The following NKAIN3 variants were observed in gnomAD, a reference collection of about 807,000 sequenced individuals.
The protein encoded by NKAIN3 is sodium/potassium transporting ATPase interacting 3, also known as sodium/potassium-transporting ATPase subunit beta-1-interacting protein 3.
A neutral mutation model predicts 30.2 loss-of-function variants in NKAIN3; 25 were observed. The ratio of observed to expected loss-of-function variants is 0.83; its 90% CI spans 0.60 to 1.16. The LOEUF (loss-of-function observed/expected upper bound fraction) is 1.16, where lower values mean the gene tolerates loss of function less well. Ranked by LOEUF, NKAIN3 falls within the 50% of genes most tolerant of loss-of-function variation. The pLI, the probability that NKAIN3 is intolerant of heterozygous loss-of-function variation, is 0.00. For synonymous variants in NKAIN3, 91 were observed against 89.6 expected, an observed-to-expected ratio of 1.02 and a Z score of -0.09; for missense variants, 225 against 254.1, an observed-to-expected ratio of 0.89 and a Z score of 0.78.
chr8:62,866,310 T>C (rs140934650), intron 4 of NKAIN3, among the ~76,000 whole-genome samples: 12 of 152,320 alleles, frequency 7.9e-5, no homozygotes, highest in African/African-American at 2.9e-4. Context: ...CAATTTGCAG[T>C]GCAGTGGGCA....
chr8:62,691,583 A>G (rs571603911), intron 3 of NKAIN3, among the ~76,000 whole-genome samples: 2 of 152,178 alleles, frequency 1.3e-5, no homozygotes, highest in Non-Finnish European at 2.9e-5. Flanking sequence ...TGAGAAAAAA[A>G]TTTGGAATAT....
chr8:62,498,913 A>T (rs1050100253), intron 1 of NKAIN3, among the ~76,000 whole-genome samples: 1 of 152,090 alleles, frequency 6.6e-6, no homozygotes, highest in African/African-American at 2.4e-5. Flanking sequence ...TTGTTCCGAG[A>T]TATCCTTCCC....
At chr8:62,776,238 C>G (rs915246711) in intron 4 of NKAIN3, among the ~76,000 whole-genome samples, 2 of 151,892 alleles carry the variant, frequency 1.3e-5, no homozygotes, top group African/African-American at 2.4e-5. Context: ...ATTCAGCCAC[C>G]ATATGTCTTT....
At chr8:62,345,316 CACATATATACACATATAT>C (rs1585704444) in intron 1 of NKAIN3, among the ~76,000 whole-genome samples, 2 of 61,198 alleles carry the variant, frequency 3.3e-5, no homozygotes, top group East Asian at 3.4e-4. Context: ...TATATATACA[CACATATATACACATATAT>C]GTATATATAC....
chr8:62,614,024 A>G (rs975618285), intron 3 of NKAIN3, among the ~76,000 whole-genome samples: 11 of 152,018 alleles, frequency 7.2e-5, no homozygotes, highest in Admixed American at 6.6e-5. Context: ...TCCCTGGTGC[A>G]TTATTTAGTT....
chr8:62,994,921 A>G (rs1204562669), intron 5 of NKAIN3, among the ~76,000 whole-genome samples: 1 of 152,216 alleles, frequency 6.6e-6, no homozygotes, highest in Admixed American at 6.5e-5. Flanking sequence ...TTAAGCCTAC[A>G]TCATTGGGGT....
rs80182278 is a variant in NKAIN3, at chr8:62,624,922, T to C, written c.273+35128T>C. ...TCCATAAAAACATTTGTCATTTCTGTTAGTCTTTCTTATCACTAGAAATTT... is the reference window on the plus strand; with the variant it reads ...TCCATAAAAACATTTGTCATTTCTGCTAGTCTTTCTTATCACTAGAAATTT... On this transcript the variant is annotated intron_variant, in intron 3 of 6. Transcript: ENST00000623646. Among the ~76,000 whole-genome samples the C allele has an allele frequency of 1.1e-3, 163 of 152,158 alleles. 2 individuals are homozygous for C. In the East Asian group the frequency reaches 0.027, roughly 25 times the overall value.
intron 1 of NKAIN3, among the ~76,000 whole-genome samples, chr8:62,537,318 T>C (rs533414478): frequency 6.6e-6 from 1 of 152,292 alleles, no homozygotes; most frequent in African/African-American, 2.4e-5. Flanking sequence ...ATAAAGGAAC[T>C]GATTTTACTT....
chr8:62,904,757 G>A (rs886838396), intron 4 of NKAIN3, among the ~76,000 whole-genome samples: 1 of 152,256 alleles, frequency 6.6e-6, no homozygotes, highest in South Asian at 2.1e-4. Flanking sequence ...ATTCTTCTTA[G>A]CAGGCAGTGC....
At chr8:62,439,110 A>T (rs1392531338) in intron 1 of NKAIN3, among the ~76,000 whole-genome samples, 1 of 152,202 alleles carries the variant, frequency 6.6e-6, no homozygotes. Context: ...ATCACCAGAT[A>T]GCTCTTGAAA....
intron 1 of NKAIN3, among the ~76,000 whole-genome samples, chr8:62,377,785 T>G (rs1817138499): frequency 6.6e-6 from 1 of 152,182 alleles, no homozygotes. Context: ...CTTTCCGCCA[T>G]GGTTGTAAGT....
In NKAIN3 at chr8:62,272,785, C is replaced by T. The variant is rs976655208; in HGVS notation, c.54+23658C>T. 1.5e-4 allele frequency among the ~76,000 whole-genome samples: 23 copies of T among 152,150 alleles called. 1 individual carries two copies. The highest frequency in any genetic ancestry group is 2.9e-5 in the Non-Finnish European group (2 of 68,034). On this transcript the variant is annotated intron_variant, in intron 1 of 6. Transcript: ENST00000623646. ...CAAGTGGTATAAATAACACGTACAG[C>T]CCTAGCGGTCATAGCTACTATTTTT...
At chr8:62,851,611 A>G (rs1819900670) in intron 4 of NKAIN3, among the ~76,000 whole-genome samples, 1 of 152,104 alleles carries the variant, frequency 6.6e-6, no homozygotes, top group South Asian at 2.1e-4. Flanking sequence ...GATAGCTCTT[A>G]TTATTTTGAG....
At chr8:62,986,009 G>A (rs966522380), downstream of NKAIN3, among the ~76,000 whole-genome samples, 7 of 152,160 alleles carry the variant, frequency 4.6e-5, no homozygotes, top group African/African-American at 1.7e-4. Context: ...ATTTTAAGAA[G>A]AAAAGTTTAC....
intron 1 of NKAIN3, among the ~76,000 whole-genome samples, chr8:62,413,701 G>A (rs60421957): frequency 0.14 from 21,063 of 152,000 alleles, 1,753 homozygotes; most frequent in East Asian, 0.4. Context: ...TAAAGAAAAT[G>A]TTCAGCTGTC....
In NKAIN3 at chr8:62,883,457, G is replaced by GTTGTTGTTTTTTTTTTT; in HGVS notation, c.472-34994_472-34993insGTTGTTTTTTTTTTTTT. Among the ~76,000 whole-genome samples, 371 of 70,168 alleles carry GTTGTTGTTTTTTTTTTT rather than the reference G, an allele frequency of 5.3e-3. 51 individuals carry two copies. The highest frequency in any genetic ancestry group is 0.018 in the East Asian group (31 of 1,698). The allele number at this position is 70,168 out of a possible 152,430, so 46.0% of individuals were successfully genotyped here. On this transcript the variant is annotated intron_variant, in intron 4 of 6. Transcript: ENST00000623646. ...TTTATTATTTCCAGGAGTTTTATGGGTTTTTTTTTTTTTTTTCAGATTTTC... is the reference window on the plus strand; with the variant it reads ...TTTATTATTTCCAGGAGTTTTATGGGTTGTTGTTTTTTTTTTTTTTTTTTTTTTTTTTTCAGATTTTC...
rs911551392 is a variant in NKAIN3, at chr8:62,982,846, A to G, written c.*17439A>G. On this transcript the variant is annotated 3_prime_UTR_variant, in exon 7 of 7. Coordinates refer to ENST00000623646, the MANE Select transcript of NKAIN3 (RefSeq NM_001304533.3). ...TGTCATCCTCCACAAGATCTTGCCC[A>G]CACTCAAAACAAACTTGCTTCCCAT... 1.3e-5 allele frequency: 2 copies of G among 152,156 alleles called. No homozygotes were observed. Among genetic ancestry groups the G allele is most frequent in the Admixed American group, 6.5e-5 (1 of 15,280 alleles). 9.4% of individuals were successfully genotyped at this position (152,156 alleles called of 1,614,324 possible). A position where few individuals can be genotyped will look rare whatever the true frequency, so the allele number is the denominator to read the frequency against.
chr8:62,382,902 C>A lies in NKAIN3; in HGVS notation c.54+133775C>A, dbSNP rs370816958. Among the ~76,000 whole-genome samples, 16 of 152,288 alleles carry A rather than the reference C, an allele frequency of 1.1e-4. No homozygotes were observed. The East Asian group carries it at 2.7e-3, about 26-fold the overall frequency. ...TGAAGTCATGTGCAACATCTGGACA[C>A]AGCTTTTTCTACAATAACGATGGCC... On this transcript the variant is annotated intron_variant, in intron 1 of 6. Coordinates refer to ENST00000623646, the MANE Select transcript of NKAIN3 (RefSeq NM_001304533.3).
chr8:62,647,884 T>G (rs1812513119), intron 3 of NKAIN3, among the ~76,000 whole-genome samples: 1 of 152,124 alleles, frequency 6.6e-6, no homozygotes, highest in African/African-American at 2.4e-5. Context: ...CAAAATGGAC[T>G]GGAGGAATGC....
Sources: gnomAD v4.1 joint callset for allele counts (sites outside exome capture counted in the v4.1 genomes callset) on GRCh38, gnomAD v4.1.1 for gene constraint, MANE v1.5 for transcripts, NCBI Gene and HGNC (gene_info 2026-07-23, HGNC 2026-07-21) for gene names.